SYT14: variants seen among roughly 807,000 people sequenced by gnomAD.
SYT14 encodes synaptotagmin 14, also known as synaptotagmin-14.
In SYT14, 32 loss-of-function variants were observed where a neutral mutation model predicts 74.2. That is an observed-to-expected ratio of 0.43 (90% CI 0.33 to 0.58). The LOEUF (loss-of-function observed/expected upper bound fraction) is 0.58. SYT14 is among the 20% of genes least tolerant of loss of function. The pLI is 0.05. For missense variants in SYT14, 791 were observed against 981.8 expected (o/e 0.81, Z 2.60); for synonymous variants, 298 against 337.7 (o/e 0.88, Z 1.29).
At chr1:210,040,223 A>G (rs896234282) in intron 5 of SYT14, among the ~76,000 whole-genome samples, 2 of 152,206 alleles carry the variant, frequency 1.3e-5, no homozygotes, top group African/African-American at 4.8e-5. Flanking sequence ...TTGCAGGGAC[A>G]TGGATGAAGC....
At chr1:210,156,682 T>TC (rs2083273738) in intron 8 of SYT14, among the ~76,000 whole-genome samples, 1 of 111,190 alleles carries the variant, frequency 9.0e-6, no homozygotes, top group Non-Finnish European at 1.8e-5. Context: ...AGTGGCAGCT[T>TC]CTTTTTTTTT....
At chr1:210,068,399 T>A (rs2102434489) in intron 5 of SYT14, among the ~76,000 whole-genome samples, 1 of 151,888 alleles carries the variant, frequency 6.6e-6, no homozygotes, top group Non-Finnish European at 1.5e-5. Flanking sequence ...AGTCTTAGGA[T>A]CAAGGTTTTA....
At chr1:210,160,834 T>A in exon 10 of SYT14, 1 of 1,614,020 alleles carries the variant, frequency 6.2e-7, no homozygotes, top group Non-Finnish European at 8.5e-7. Context: ...AAGGAAACTT[T>A]TGTCTTTCAA....
In SYT14 at chr1:210,105,159, C is replaced by A. The variant is rs2082136779; in HGVS notation, c.2034+4698C>A. Among the ~76,000 whole-genome samples the A allele has an allele frequency of 3.3e-5, 5 of 152,150 alleles. No homozygotes were observed. In the South Asian group the frequency reaches 1.0e-3, roughly 32 times the overall value. On this transcript the variant is annotated intron_variant, in intron 7 of 9. Transcript: ENST00000637265. ...AAAAAACACTGAGGGTAGGGCCCAG[C>A]AATCTGCATTTTAACAAGCACTGTA... is the stretch of plus-strand genomic sequence containing the variant.
chr1:210,040,725 A>T (rs1440617414), intron 5 of SYT14, among the ~76,000 whole-genome samples: 1 of 152,152 alleles, frequency 6.6e-6, no homozygotes, highest in Admixed American at 6.5e-5. Flanking sequence ...TGGTTCCTAA[A>T]GTCATTTAGT....
intron 7 of SYT14, among the ~76,000 whole-genome samples, chr1:210,101,091 A>C (rs986085999): frequency 6.6e-6 from 1 of 152,168 alleles, no homozygotes; most frequent in Non-Finnish European, 1.5e-5. Context: ...AATCACATAT[A>C]AATCTCTCTC....
intron 2 of SYT14, among the ~76,000 whole-genome samples, chr1:210,002,189 A>C (rs770340901): frequency 6.6e-6 from 1 of 152,202 alleles, no homozygotes; most frequent in Non-Finnish European, 1.5e-5. Flanking sequence ...AATAATACTT[A>C]AAAGCAAGCA....
intron 5 of SYT14, among the ~76,000 whole-genome samples, chr1:210,045,796 A>T (rs2080873275): frequency 6.6e-6 from 1 of 152,040 alleles, no homozygotes; most frequent in Non-Finnish European, 1.5e-5. Context: ...GGGAAAATTT[A>T]TGTTTCTATT....
In SYT14 at chr1:209,961,853, T is replaced by C. The variant is rs2079080607; in HGVS notation, c.-486+9097T>C. On this transcript the variant is annotated intron_variant, in intron 2 of 9. Transcript: ENST00000637265. ...ACCTACTGAGTTACTAATGTTAGCC[T>C]TCTAAAATGTTTCTATAATTCATTT... 2.6e-5 allele frequency among the ~76,000 whole-genome samples: 4 copies of C among 152,110 alleles called. No homozygotes were observed. The South Asian group carries it at 8.3e-4, about 32-fold the overall frequency.
intron 5 of SYT14, among the ~76,000 whole-genome samples, chr1:210,075,518 A>G (rs1374135863): frequency 2.0e-5 from 3 of 151,928 alleles, no homozygotes; most frequent in Non-Finnish European, 4.4e-5. Context: ...TATTTTTAGT[A>G]GAGACGGGGT....
At chr1:210,067,170 G>A (rs1311311482) in intron 5 of SYT14, among the ~76,000 whole-genome samples, 1 of 151,908 alleles carries the variant, frequency 6.6e-6, no homozygotes, top group Non-Finnish European at 1.5e-5. Context: ...CTGTCCTCTT[G>A]CCAGTACCAC....
rs150021634 is a variant in SYT14 at position 209,973,393 on chromosome 1, G to C, written c.-486+20637G>C. On this transcript the variant is annotated intron_variant, in intron 2 of 9. Transcript: ENST00000637265. Reference sequence around the variant, plus strand: ...CACCCCACAACAGACCCCGGTGTGTGATGTTCCCCTTCCTGTGTCCACATG... The same window carrying C: ...CACCCCACAACAGACCCCGGTGTGTCATGTTCCCCTTCCTGTGTCCACATG... 2.9e-3 allele frequency among the ~76,000 whole-genome samples: 445 copies of C among 152,110 alleles called. 3 individuals carry two copies. The highest frequency in any genetic ancestry group is 9.7e-3 in the African/African-American group (402 of 41,470).
At chr1:210,166,916 T>C (rs2083461899) in exon 10 of SYT14, 1 of 152,198 alleles carries the variant, frequency 6.6e-6, no homozygotes, top group East Asian at 1.9e-4. Flanking sequence ...CTTTTTCTTG[T>C]GCTTCCTTAA....
chr1:209,982,043 C>T (rs1000570575), intron 2 of SYT14, among the ~76,000 whole-genome samples: 1 of 151,978 alleles, frequency 6.6e-6, no homozygotes, highest in Non-Finnish European at 1.5e-5. Context: ...GATTTTCTTG[C>T]ATTATTCCCT....
At chr1:210,094,717 A>G (rs1180781929) in intron 6 of SYT14, 124 bp downstream of exon 5, 4 of 1,144,278 alleles carry the variant, frequency 3.5e-6, no homozygotes, top group East Asian at 2.5e-5. Flanking sequence ...TAGTACCAGT[A>G]TCCATCCTTA....
intron 7 of SYT14, among the ~76,000 whole-genome samples, chr1:210,106,878 A>G (rs1224147503): frequency 6.6e-6 from 1 of 152,208 alleles, no homozygotes; most frequent in Admixed American, 6.5e-5. Context: ...CATTAAGTCA[A>G]AAGTCCAAGT....
chr1:210,091,345 AT>A (rs1236873461), intron 5 of SYT14, among the ~76,000 whole-genome samples: 1 of 152,212 alleles, frequency 6.6e-6, no homozygotes, highest in East Asian at 1.9e-4. Context: ...TCAGAAAAGG[AT>A]TATTATATTG....
chr1:209,993,393 A>G (rs547250137), intron 2 of SYT14, among the ~76,000 whole-genome samples: 49 of 152,298 alleles, frequency 3.2e-4, no homozygotes, highest in African/African-American at 1.2e-3. Context: ...GTGGCCCAGA[A>G]ACACTTGTAA....
At chr1:210,011,642 A>C (rs1156253152) in intron 2 of SYT14, among the ~76,000 whole-genome samples, 1 of 152,220 alleles carries the variant, frequency 6.6e-6, no homozygotes, top group Non-Finnish European at 1.5e-5. Context: ...ATAATGAAAA[A>C]GGAAATCAAA....
Sources: gnomAD v4.1 joint callset for allele counts (sites outside exome capture counted in the v4.1 genomes callset) on GRCh38, gnomAD v4.1.1 for gene constraint, MANE v1.5 for transcripts, NCBI Gene and HGNC (gene_info 2026-07-23, HGNC 2026-07-21) for gene names.